FGFR1OP2: variants seen among roughly 807,000 people sequenced by gnomAD.
The protein encoded by FGFR1OP2 is FGFR1 oncogene partner 2, also known as fibroblast growth factor receptor 1 oncogene partner 2.
Under a neutral mutation model 35.2 loss-of-function variants are expected in FGFR1OP2, and 17 were observed. The observed-to-expected ratio is 0.48, with a 90% CI of 0.33 to 0.73. FGFR1OP2 has a LOEUF of 0.73. FGFR1OP2 is among the 30% of genes least tolerant of loss of function. FGFR1OP2 has a pLI of 0.02. For synonymous variants in FGFR1OP2, 105 were observed against 104.6 expected, an observed-to-expected ratio of 1.00 and a Z score of -0.03; for missense variants, 251 against 307.3, an observed-to-expected ratio of 0.82 and a Z score of 1.37.
intron 1 of FGFR1OP2, among the ~76,000 whole-genome samples, chr12:26,945,141 A>C (rs1015159041): frequency 2.0e-5 from 3 of 151,390 alleles, no homozygotes; most frequent in Non-Finnish European, 4.4e-5. Context: ...GAGGTTTTTC[A>C]ATTTTTATTT....
At chr12:26,955,370 G>C (rs924775438) in intron 2 of FGFR1OP2, among the ~76,000 whole-genome samples, 2 of 152,022 alleles carry the variant, frequency 1.3e-5, no homozygotes. Flanking sequence ...TTTTTGAAGG[G>C]TACAGTTCAT....
Position 26,966,341 on chromosome 12 carries a change from A to C in FGFR1OP2, c.*1608A>C, listed in dbSNP as rs1431383587. 6.6e-6 allele frequency: 1 copy of C among 152,162 alleles called. No homozygotes were observed. Among genetic ancestry groups the C allele is most frequent in the East Asian group, 1.9e-4 (1 of 5,202 alleles). 9.4% of individuals were successfully genotyped at this position (152,162 alleles called of 1,614,324 possible). On this transcript the variant is annotated 3_prime_UTR_variant, in exon 7 of 7. Transcript: ENST00000229395. ...CTTCTTATCCCTGCTAATAAAGGAAATCTATTTCAAGCTACACCATTGAGA... is the reference window on the plus strand; with the variant it reads ...CTTCTTATCCCTGCTAATAAAGGAACTCTATTTCAAGCTACACCATTGAGA...
intron 3 of FGFR1OP2, 94 bp downstream of exon 3, chr12:26,956,754 C>T (rs1449905719): frequency 3.6e-6 from 2 of 557,888 alleles, no homozygotes; most frequent in Non-Finnish European, 6.0e-6. Flanking sequence ...ATATGAACAT[C>T]TGCCTGGTTG....
intron 1 of FGFR1OP2, among the ~76,000 whole-genome samples, chr12:26,952,972 A>G (rs1938957071): frequency 6.6e-6 from 1 of 152,096 alleles, no homozygotes; most frequent in South Asian, 2.1e-4. Flanking sequence ...TAGAAAGATA[A>G]AAGATTTCAG....
intron 1 of FGFR1OP2, among the ~76,000 whole-genome samples, chr12:26,952,916 A>C (rs905766671): frequency 1.3e-5 from 2 of 151,966 alleles, no homozygotes; most frequent in Non-Finnish European, 2.9e-5. Flanking sequence ...TTTTGAGGAA[A>C]CCCTGAAGAA....
Position 26,960,728 on chromosome 12 carries a change from A to G in FGFR1OP2, c.510+100A>G, listed in dbSNP as rs890361044. On this transcript the variant is annotated intron_variant, in intron 5 of 6. Coordinates refer to ENST00000229395, the MANE Select transcript of FGFR1OP2 (RefSeq NM_015633.3). ...ATTTCCCTCCCAGATTAGATCAGCA[A>G]ATAAATGAAATTTATTAAAAGAATG... The G allele has an allele frequency of 1.2e-5, 17 of 1,437,228 alleles. No homozygotes were observed. The East Asian group carries it at 4.4e-4, about 37-fold the overall frequency. The allele number at this position is 1,437,228 out of a possible 1,614,324, so 89.0% of individuals were successfully genotyped here. A position where few individuals can be genotyped will look rare whatever the true frequency, so the allele number is the denominator to read the frequency against.
At chr12:26,961,854 T>G (rs1939110165) in intron 5 of FGFR1OP2, 1 of 152,270 alleles carries the variant, frequency 6.6e-6, no homozygotes, top group Non-Finnish European at 1.5e-5. Context: ...CTCATTACCC[T>G]TACTCAGTTT....
intron 1 of FGFR1OP2, among the ~76,000 whole-genome samples, chr12:26,942,189 C>T (rs1938746456): frequency 6.6e-6 from 1 of 152,140 alleles, no homozygotes; most frequent in Non-Finnish European, 1.5e-5. Context: ...TGCGCCACCA[C>T]ACCCAGCTAG....
intron 6 of FGFR1OP2, 35 bp from the exon 7 acceptor site, chr12:26,964,561 T>G: frequency 6.2e-7 from 1 of 1,603,018 alleles, no homozygotes; most frequent in South Asian, 1.1e-5. Context: ...ACCTTGTAGA[T>G]AGTGACTGCA....
intron 6 of FGFR1OP2, among the ~76,000 whole-genome samples, chr12:26,963,859 TTA>T (rs1275733165): frequency 2.0e-5 from 3 of 152,112 alleles, no homozygotes; most frequent in African/African-American, 7.2e-5. Context: ...GTCCTTTATT[TTA>T]TGACAGTGAA....
At chr12:26,947,914 G>A (rs983393440) in intron 1 of FGFR1OP2, among the ~76,000 whole-genome samples, 1 of 151,844 alleles carries the variant, frequency 6.6e-6, no homozygotes, top group African/African-American at 2.4e-5. Context: ...CCTTTTCTCT[G>A]TCTTTTGGGT....
At position 26,957,534 on chromosome 12, in the gene FGFR1OP2, A is replaced by T. The variant is rs574928146; in HGVS notation, c.254-67A>T. ...AAAATGTCCCGTTCATAAGTTGCTTAGTGGAAGAGAATATTTTGTGTACTT... is the reference window on the plus strand; with the variant it reads ...AAAATGTCCCGTTCATAAGTTGCTTTGTGGAAGAGAATATTTTGTGTACTT... On this transcript the variant is annotated intron_variant, in intron 3 of 6. Coordinates refer to ENST00000229395, the MANE Select transcript of FGFR1OP2 (RefSeq NM_015633.3). 4.3e-4 allele frequency: 592 copies of T among 1,388,798 alleles called. 1 individual carries two copies. Among genetic ancestry groups the T allele is most frequent in the Non-Finnish European group, 5.4e-4 (548 of 1,014,212 alleles). 86.0% of individuals were successfully genotyped at this position (1,388,798 alleles called of 1,614,324 possible).
chr12:26,962,421 T>C (rs907456490), intron 5 of FGFR1OP2: 1 of 152,238 alleles, frequency 6.6e-6, no homozygotes, highest in African/African-American at 2.4e-5. Context: ...GGGGAGTTAT[T>C]CACTTTTATA....
In FGFR1OP2 at chr12:26,957,705, C is replaced by T; in HGVS notation, c.358C>T (p.Pro120Ser). The change falls in exon 4 of 7, where the codon CCG becomes TCG. Residue 120 changes from proline to serine, a missense_variant. Coordinates refer to ENST00000229395, the MANE Select transcript of FGFR1OP2 (RefSeq NM_015633.3). The stretch of plus-strand genomic sequence containing the variant: ...GCTAATGGCTAGCAAAAAAGATGAT[C>T]CGGGTATAATAATGAAGTTAAAAGA... ...RLLMASKKDD[P>S]GIIMKLKEQH... 6.2e-7 allele frequency: 1 copy of T among 1,613,154 alleles called. No individual in the cohort carries two copies. The highest frequency in any genetic ancestry group is 1.1e-5 in the South Asian group (1 of 91,022).
chr12:26,960,701 G>A (rs1939093071), intron 5 of FGFR1OP2, 73 bp downstream of exon 5: 3 of 1,520,770 alleles, frequency 2.0e-6, no homozygotes, highest in Admixed American at 3.9e-5. Flanking sequence ...CTTTTACATT[G>A]AATTTCCCTC....
At chr12:26,964,412 A>G (rs1390254334) in intron 6 of FGFR1OP2, among the ~76,000 whole-genome samples, 184 bp from the exon 7 acceptor site, 3 of 152,156 alleles carry the variant, frequency 2.0e-5, no homozygotes, top group Non-Finnish European at 4.4e-5. Context: ...CACGATTCCT[A>G]GCTGCATAAG....
intron 2 of FGFR1OP2, among the ~76,000 whole-genome samples, chr12:26,954,731 G>C (rs937567933): frequency 1.3e-5 from 2 of 152,134 alleles, no homozygotes; most frequent in African/African-American, 4.8e-5. Flanking sequence ...TTTATACTCT[G>C]TGCAGTTATT....
chr12:26,963,268 A>G, intron 5 of FGFR1OP2, 74 bp from the exon 6 acceptor site: 1 of 922,046 alleles, frequency 1.1e-6, no homozygotes, highest in Non-Finnish European at 1.7e-6. Context: ...GGTACTGCAG[A>G]TTTTATAAAA....
At position 26,944,253 on chromosome 12, in the gene FGFR1OP2, C is replaced by T. The variant is rs530577751; in HGVS notation, c.-15+5543C>T. Among the ~76,000 whole-genome samples the T allele has an allele frequency of 2.6e-5, 4 of 152,218 alleles. No homozygotes were observed. In the South Asian group the frequency reaches 8.3e-4, roughly 32 times the overall value. On this transcript the variant is annotated intron_variant, in intron 1 of 6. Coordinates refer to ENST00000229395, the MANE Select transcript of FGFR1OP2 (RefSeq NM_015633.3). ...GGCCGTTTTATTTCTTCTTTTCCAG[C>T]CTGTATGGTTTTTCCCCCCTTCCTA... is the stretch of plus-strand genomic sequence containing the variant.
Sources: allele counts gnomAD v4.1 joint callset (sites outside exome capture counted in the v4.1 genomes callset), GRCh38; gene constraint gnomAD v4.1.1; transcripts MANE v1.5; gene names NCBI Gene and HGNC (gene_info 2026-07-23, HGNC 2026-07-21).